Variants in ULK4 observed in about 807,000 individuals in gnomAD.
ULK4 encodes unc-51 like kinase 4, also known as inactive serine/threonine-protein kinase ULK4.
In ULK4, 133 loss-of-function variants were observed where a neutral mutation model predicts 160.6. The ratio of observed to expected loss-of-function variants is 0.83; its 90% CI spans 0.72 to 0.96. The LOEUF is 0.96. Ranked by LOEUF, ULK4 falls within the 40% of genes least tolerant of loss-of-function variation. The pLI is 0.00. For synonymous variants in ULK4, 534 were observed against 539.8 expected (o/e 0.99, Z 0.15); for missense variants, 1,580 against 1,499.5 (o/e 1.05, Z -0.89).
At chr3:41,879,131 C>T (rs150434491) in intron 17 of ULK4, among the ~76,000 whole-genome samples, 166 of 152,048 alleles carry the variant, frequency 1.1e-3, no homozygotes, top group African/African-American at 3.5e-3. Flanking sequence ...AATATCTAAA[C>T]GCAATCCTGG....
intron 17 of ULK4, among the ~76,000 whole-genome samples, chr3:41,863,608 T>G (rs1325065574): frequency 6.6e-6 from 1 of 151,922 alleles, no homozygotes; most frequent in African/African-American, 2.4e-5. Flanking sequence ...AAATGTAATA[T>G]GGGGGTATCA....
rs80332491 is a variant in ULK4 at position 41,595,593 on chromosome 3, G to A, written c.3120+20076C>T. Reference sequence around the variant, plus strand: ...GATGCAGCTTGAGGAGTCAGCAAAGGAGACCAAGAAGTTGTACTAGGGAGG... The same window carrying A: ...GATGCAGCTTGAGGAGTCAGCAAAGAAGACCAAGAAGTTGTACTAGGGAGG... On this transcript the variant is annotated intron_variant, in intron 31 of 36. Coordinates refer to ENST00000301831, the MANE Select transcript of ULK4 (RefSeq NM_017886.4). Among the ~76,000 whole-genome samples the A allele has an allele frequency of 9.9e-3, 1,510 of 152,314 alleles. 22 individuals carry two copies. The highest frequency in any genetic ancestry group is 0.034 in the African/African-American group (1,398 of 41,564).
At chr3:41,949,599 A>T (rs1700222540) in intron 2 of ULK4, among the ~76,000 whole-genome samples, 1 of 149,620 alleles carries the variant, frequency 6.7e-6, no homozygotes, top group Admixed American at 6.7e-5. Context: ...CACCTGGCTA[A>T]TTTTTATATT....
intron 17 of ULK4, among the ~76,000 whole-genome samples, chr3:41,858,065 C>T (rs918057586): frequency 1.3e-5 from 2 of 150,128 alleles, no homozygotes; most frequent in Non-Finnish European, 3.0e-5. Context: ...GAAGTTTTTC[C>T]TCTTTTTGAC....
chr3:41,882,049 A>G (rs1301610505), intron 17 of ULK4: 1 of 600,424 alleles, frequency 1.7e-6, no homozygotes, highest in Non-Finnish European at 3.0e-6. Flanking sequence ...AGGGTGACCA[A>G]CAGGTCCCAG....
At chr3:41,514,788 G>A (rs1441718988) in intron 32 of ULK4, among the ~76,000 whole-genome samples, 1 of 151,992 alleles carries the variant, frequency 6.6e-6, no homozygotes, top group East Asian at 1.9e-4. Context: ...GTGAGGGGTG[G>A]GAGGAAGGAT....
intron 22 of ULK4, among the ~76,000 whole-genome samples, chr3:41,719,423 A>G (rs1156296142): frequency 2.0e-5 from 3 of 152,190 alleles, no homozygotes; most frequent in Admixed American, 6.5e-5. Flanking sequence ...ATCTGATTTT[A>G]TCTGTCTTAA....
chr3:41,454,802 C>G (rs2083505039), intron 34 of ULK4, among the ~76,000 whole-genome samples: 1 of 151,972 alleles, frequency 6.6e-6, no homozygotes, highest in African/African-American at 2.4e-5. Flanking sequence ...AAGTGATTCT[C>G]CTGACTCAGC....
intron 17 of ULK4, among the ~76,000 whole-genome samples, chr3:41,878,892 T>A (rs1036032156): frequency 2.1e-5 from 3 of 141,694 alleles, no homozygotes; most frequent in Non-Finnish European, 4.7e-5. Context: ...AAATTCCTAT[T>A]TCCCCAAGCC....
chr3:41,800,286 C>G lies in ULK4; in HGVS notation c.1856G>C (p.Arg619Pro). 5.6e-6 allele frequency: 9 copies of G among 1,611,286 alleles called. No homozygotes were observed. The highest frequency in any genetic ancestry group is 7.6e-6 in the Non-Finnish European group (9 of 1,178,924). ...TTTTGCTGCCATGTGATTCACAACA[C>G]GCTCTTCCTATAGAGAAAGGAGATT... ...LMRCLREGEE[R>P]VVNHMAAKII... The change falls in exon 20 of 37, where the codon CGT (arginine) becomes CCT (proline). Residue 619 changes from arginine to proline, a missense_variant. Coordinates refer to ENST00000301831, the MANE Select transcript of ULK4 (RefSeq NM_017886.4).
intron 32 of ULK4, among the ~76,000 whole-genome samples, chr3:41,474,856 T>G (rs910129769): frequency 4.8e-5 from 7 of 147,054 alleles, no homozygotes; most frequent in Non-Finnish European, 8.9e-5. Context: ...TTGGCAACAA[T>G]GTGGAGGAAA....
intron 30 of ULK4, among the ~76,000 whole-genome samples, chr3:41,629,255 A>T (rs910665304): frequency 2.0e-5 from 3 of 152,172 alleles, no homozygotes; most frequent in African/African-American, 7.2e-5. Flanking sequence ...GGATGGGAAC[A>T]GCTGGGGGTT....
intron 12 of ULK4, among the ~76,000 whole-genome samples, chr3:41,903,691 A>G (rs544764304): frequency 6.6e-5 from 10 of 152,340 alleles, no homozygotes; most frequent in African/African-American, 2.2e-4. Context: ...CGAATGCCAT[A>G]TAACAAATAT....
chr3:41,681,078 C>G (rs1179234171), intron 29 of ULK4, among the ~76,000 whole-genome samples: 1 of 152,140 alleles, frequency 6.6e-6, no homozygotes, highest in Non-Finnish European at 1.5e-5. Flanking sequence ...AAGTCCTGCT[C>G]AGAACTAAAC....
At chr3:41,447,537 GTTCCGGGGCCTTTC>G (rs2083328492) in intron 34 of ULK4, among the ~76,000 whole-genome samples, 1 of 152,048 alleles carries the variant, frequency 6.6e-6, no homozygotes, top group Non-Finnish European at 1.5e-5. Context: ...CAGATCTGCA[GTTCCGGGGCCTTTC>G]TTCCCTAAAG....
chr3:41,441,384 T>A (rs1056474514), intron 34 of ULK4, among the ~76,000 whole-genome samples: 1 of 152,084 alleles, frequency 6.6e-6, no homozygotes, highest in South Asian at 2.1e-4. Flanking sequence ...TTCTTTTCGA[T>A]TTTTAATTTG....
chr3:41,753,258 T>C (rs1399607640), intron 22 of ULK4, among the ~76,000 whole-genome samples: 3 of 152,080 alleles, frequency 2.0e-5, no homozygotes, highest in Admixed American at 6.6e-5. Flanking sequence ...GTTTGTTATA[T>C]AGGTAGGTAT....
intron 1 of ULK4, chr3:41,955,727 GC>G (rs753745813): frequency 1.3e-5 from 2 of 150,594 alleles, no homozygotes; most frequent in Non-Finnish European, 2.9e-5. Flanking sequence ...GCAACGCCCT[GC>G]CCGCCATGAA....
intron 34 of ULK4, among the ~76,000 whole-genome samples, chr3:41,445,096 C>A (rs2083266941): frequency 6.6e-6 from 1 of 152,068 alleles, no homozygotes; most frequent in South Asian, 2.1e-4. Context: ...AACAGAGAGC[C>A]AAATCAGGAG....
Sources: allele counts gnomAD v4.1 joint callset (sites outside exome capture counted in the v4.1 genomes callset), GRCh38; gene constraint gnomAD v4.1.1; transcripts MANE v1.5; gene names NCBI Gene and HGNC (gene_info 2026-07-23, HGNC 2026-07-21).